Variants in RTN1 observed in about 807,000 individuals in gnomAD.
The protein encoded by RTN1 is reticulon-1.
Under a neutral mutation model 65.5 loss-of-function variants are expected in RTN1, and 25 were observed. The observed-to-expected ratio is 0.38, with a 90% confidence interval of 0.28 to 0.53. RTN1 has a LOEUF of 0.53. Among genes scored for constraint, RTN1 ranks in the 20% least tolerant of loss-of-function variants. The pLI, the probability that RTN1 is intolerant of heterozygous loss-of-function variation, is 0.79. For missense variants in RTN1, 983 were observed against 1,025.4 expected, an observed-to-expected ratio of 0.96 and a Z score of 0.57; for synonymous variants, 471 against 447.6, an observed-to-expected ratio of 1.05 and a Z score of -0.66.
At chr14:59,856,680 G>T (rs1887614459) in intron 1 of RTN1, among the ~76,000 whole-genome samples, 1 of 152,108 alleles carries the variant, frequency 6.6e-6, no homozygotes, top group African/African-American at 2.4e-5. Flanking sequence ...ATCCTTCCTT[G>T]CTCTCCTGAG....
intron 1 of RTN1, among the ~76,000 whole-genome samples, chr14:59,852,420 T>C (rs1255017635): frequency 6.6e-6 from 1 of 152,236 alleles, no homozygotes; most frequent in African/African-American, 2.4e-5. Flanking sequence ...TGGAGATTTT[T>C]AGAGGGAGAA....
At chr14:59,617,784 T>C (rs1194433644) in intron 3 of RTN1, among the ~76,000 whole-genome samples, 2 of 152,176 alleles carry the variant, frequency 1.3e-5, no homozygotes, top group African/African-American at 4.8e-5. Context: ...AAGAGTACTG[T>C]TTCTGCCATG....
At chr14:59,636,491 G>A (rs182186733) in intron 3 of RTN1, among the ~76,000 whole-genome samples, 34 of 152,280 alleles carry the variant, frequency 2.2e-4, no homozygotes, top group Admixed American at 7.9e-4. Context: ...CCGCAGATCC[G>A]TGAGCCAATT....
In RTN1 at chr14:59,803,920, A is replaced by G. The variant is rs1886591230; in HGVS notation, c.242-57439T>C. Among the ~76,000 whole-genome samples the G allele has an allele frequency of 6.6e-6, 1 of 152,236 alleles. No individual in the cohort carries two copies. Among genetic ancestry groups the G allele is most frequent in the Non-Finnish European group, 1.5e-5 (1 of 68,044 alleles). On this transcript the variant is annotated intron_variant, in intron 1 of 8. Transcript: ENST00000267484. The surrounding 1 kb of genome is among the most constrained non-coding windows in gnomAD (Gnocchi z 5.6). ...TTTAATTTTAGAACAGGTTTGGTTT[A>G]CATAAAAGTTGTGGAAATTGTACAA... is the stretch of plus-strand genomic sequence containing the variant.
At position 59,750,346 on chromosome 14, in the gene RTN1, A is replaced by ATT. The variant is rs1555358894; in HGVS notation, c.242-3866_242-3865insAA. The stretch of plus-strand genomic sequence containing the variant: ...TAATATATAATATATTATATCTATA[A>ATT]TATATATTATATCTATATATTATAT... On this transcript the variant is annotated intron_variant, in intron 1 of 8. Coordinates refer to ENST00000267484, the MANE Select transcript of RTN1 (RefSeq NM_021136.3). Among the ~76,000 whole-genome samples, 3 of 40,396 alleles carry ATT rather than the reference A, an allele frequency of 7.4e-5. 1 individual carries two copies. Among genetic ancestry groups the ATT allele is most frequent in the Admixed American group, 5.2e-4 (1 of 1,910 alleles). The allele number at this position is 40,396 out of a possible 152,430, so 26.5% of individuals were successfully genotyped here.
chr14:59,743,187 G>C (rs1031408325), intron 2 of RTN1, among the ~76,000 whole-genome samples: 2 of 152,210 alleles, frequency 1.3e-5, no homozygotes, highest in African/African-American at 4.8e-5. Flanking sequence ...ATGTGAGCCA[G>C]ATCTGCCTTT....
chr14:59,731,037 CA>C (rs1356484085), intron 2 of RTN1, among the ~76,000 whole-genome samples: 3 of 152,098 alleles, frequency 2.0e-5, no homozygotes, highest in African/African-American at 2.4e-5. Flanking sequence ...TATGTCCACA[CA>C]AAAAACTTGT....
At chr14:59,778,310 A>T (rs143323045) in intron 1 of RTN1, among the ~76,000 whole-genome samples, 1 of 152,178 alleles carries the variant, frequency 6.6e-6, no homozygotes, top group African/African-American at 2.4e-5. Context: ...GCTTTTTCTC[A>T]TCATGGCATA....
chr14:59,743,775 G>A (rs1408542491), intron 2 of RTN1, among the ~76,000 whole-genome samples: 2 of 152,074 alleles, frequency 1.3e-5, no homozygotes, highest in Non-Finnish European at 2.9e-5. Context: ...GTTCACCTGG[G>A]GAGCTGCTGG....
intron 3 of RTN1, among the ~76,000 whole-genome samples, chr14:59,653,324 T>G (rs988391382): frequency 2.0e-5 from 3 of 152,090 alleles, no homozygotes; most frequent in Non-Finnish European, 4.4e-5. Context: ...TATCTAAAAC[T>G]GAAGGTGAAA....
At chr14:59,657,185 A>G (rs1441711539) in intron 3 of RTN1, among the ~76,000 whole-genome samples, 1 of 152,074 alleles carries the variant, frequency 6.6e-6, no homozygotes, top group Non-Finnish European at 1.5e-5. Context: ...AAGGCAGGTG[A>G]ATCACCTGAG....
chr14:59,602,390 C>T (rs1950788), intron 8 of RTN1, among the ~76,000 whole-genome samples: 126,308 of 152,078 alleles, frequency 0.83, 52,729 homozygotes, highest in East Asian at 0.99. Flanking sequence ...TAGATGACTA[C>T]ATACCTAAAA....
chr14:59,847,521 A>G (rs774529042), intron 1 of RTN1, among the ~76,000 whole-genome samples: 6 of 152,256 alleles, frequency 3.9e-5, no homozygotes, highest in Admixed American at 1.3e-4. Flanking sequence ...TGTTTTGCTC[A>G]TGTGGGCTCA....
intron 3 of RTN1, among the ~76,000 whole-genome samples, chr14:59,680,690 A>G (rs1445936898): frequency 6.6e-6 from 1 of 152,216 alleles, no homozygotes; most frequent in African/African-American, 2.4e-5. Flanking sequence ...TTCTATTTCC[A>G]GAAATCTATC....
chr14:59,864,906 A>AT (rs5809053), intron 1 of RTN1, among the ~76,000 whole-genome samples: 36,146 of 151,996 alleles, frequency 0.24, 4,647 homozygotes, highest in East Asian at 0.56. Flanking sequence ...TAAAATCAAG[A>AT]TTTTTTTCAT....
rs199661743 is a variant in RTN1, at chr14:59,693,356, G to GT, written c.1765+33562dup. Among the ~76,000 whole-genome samples the GT allele has an allele frequency of 5.9e-4, 90 of 152,106 alleles. No individual in the cohort carries two copies. In the East Asian group the frequency reaches 8.7e-3, roughly 15 times the overall value. ...TCCTGGTTTTTACTTTTTTATTTGT[G>GT]TTTTTTTATTTCCATAGGTTTTGGG... On this transcript the variant is annotated intron_variant, in intron 3 of 8. Transcript: ENST00000267484.
chr14:59,720,677 G>A (rs750434146), intron 3 of RTN1, among the ~76,000 whole-genome samples: 6 of 150,416 alleles, frequency 4.0e-5, no homozygotes, highest in South Asian at 2.1e-4. Flanking sequence ...AGCTGAGATC[G>A]CGCCACTGCA....
At chr14:59,771,050 A>C (rs1885948210) in intron 1 of RTN1, among the ~76,000 whole-genome samples, 1 of 152,140 alleles carries the variant, frequency 6.6e-6, no homozygotes, top group Non-Finnish European at 1.5e-5. Flanking sequence ...GTCTCAAAAA[A>C]AAAAAAAAAA....
At chr14:59,610,112 T>C in intron 3 of RTN1, 1 of 777,408 alleles carries the variant, frequency 1.3e-6, no homozygotes, top group Non-Finnish European at 2.4e-6. Flanking sequence ...CTGAATGAAT[T>C]GCTTTATACC....
Sources: allele counts gnomAD v4.1 joint callset (sites outside exome capture counted in the v4.1 genomes callset), GRCh38; gene constraint gnomAD v4.1.1; non-coding constraint Gnocchi (gnomAD v3.1); transcripts MANE v1.5; gene names NCBI Gene and HGNC (gene_info 2026-07-23, HGNC 2026-07-21).